The following SETBP1 variants were observed in gnomAD, a reference collection of about 807,000 sequenced individuals.
The protein encoded by SETBP1 is SET-binding protein.
A neutral mutation model predicts 101.0 loss-of-function variants in SETBP1; 9 were observed. That is an observed-to-expected ratio of 0.09 (90% CI 0.05 to 0.16). The LOEUF is 0.16. Among genes scored for constraint, SETBP1 ranks in the 10% least tolerant of loss-of-function variants. The pLI is 1.00. For missense variants in SETBP1, 1,858 were observed against 2,033.8 expected (o/e 0.91, Z 1.66); for synonymous variants, 818 against 788.5 (o/e 1.04, Z -0.63).
intron 2 of SETBP1, among the ~76,000 whole-genome samples, chr18:44,715,252 C>T (rs1004711016): frequency 2.6e-5 from 4 of 152,204 alleles, no homozygotes; most frequent in East Asian, 1.9e-4. Flanking sequence ...AGACCCACAG[C>T]GCCTTTCTTG....
chr18:44,905,268 A>G (rs1190429115), intron 3 of SETBP1, among the ~76,000 whole-genome samples: 3 of 152,188 alleles, frequency 2.0e-5, no homozygotes, highest in African/African-American at 7.2e-5. Context: ...GATGACTAGC[A>G]TTGGAGATGT....
At chr18:44,702,095 A>G (rs934020552) in intron 2 of SETBP1, among the ~76,000 whole-genome samples, 1 of 152,188 alleles carries the variant, frequency 6.6e-6, no homozygotes, top group Non-Finnish European at 1.5e-5. Context: ...TATGTATTAT[A>G]TACTGTATTC....
chr18:44,690,756 A>G (rs2068917452), intron 1 of SETBP1, among the ~76,000 whole-genome samples: 1 of 152,230 alleles, frequency 6.6e-6, no homozygotes, highest in Non-Finnish European at 1.5e-5. Context: ...AGGGTTAAAT[A>G]GTATAATAAA....
chr18:44,987,278 C>T (rs1034635335), intron 4 of SETBP1: 1 of 152,196 alleles, frequency 6.6e-6, no homozygotes, highest in African/African-American at 2.4e-5. Flanking sequence ...GAAGAGCCCC[C>T]AGAGTTTTCC....
At chr18:44,913,800 C>T (rs2070367498) in intron 3 of SETBP1, among the ~76,000 whole-genome samples, 1 of 152,222 alleles carries the variant, frequency 6.6e-6, no homozygotes, top group Non-Finnish European at 1.5e-5. Context: ...CCCACAGTGA[C>T]TATAGCCAAC....
Position 44,950,335 on chromosome 18 carries a change from G to A in SETBP1, c.995G>A (p.Gly332Asp). ...TKEPPEPPTV[G>D]SKKKSSKKDV... The stretch of plus-strand genomic sequence containing the variant: ...GAGCCCCCAGAACCACCTACGGTGG[G>A]CAGCAAGAAAAAGTCCAGTAAAAAA... The change falls in exon 4 of 6, where the codon GGC becomes GAC. Residue 332 changes from glycine to aspartate, a missense_variant. Transcript: ENST00000649279. The A allele has an allele frequency of 4.3e-6, 7 of 1,613,984 alleles. No homozygotes were observed. Among genetic ancestry groups the A allele is most frequent in the Non-Finnish European group, 5.9e-6 (7 of 1,180,030 alleles).
At chr18:44,716,574 T>G (rs369281362) in intron 2 of SETBP1, among the ~76,000 whole-genome samples, 80 of 152,244 alleles carry the variant, frequency 5.3e-4, no homozygotes, top group African/African-American at 1.9e-3. Context: ...GTTTGTTTGT[T>G]TGTTTTTGAG....
intron 2 of SETBP1, among the ~76,000 whole-genome samples, chr18:44,868,290 G>C (rs761562697): frequency 6.6e-6 from 1 of 151,926 alleles, no homozygotes; most frequent in Admixed American, 6.6e-5. Flanking sequence ...ATCCTAAATA[G>C]TGTATAAAAT....
At chr18:44,917,114 C>T (rs1471687734) in intron 3 of SETBP1, among the ~76,000 whole-genome samples, 1 of 152,218 alleles carries the variant, frequency 6.6e-6, no homozygotes, top group Non-Finnish European at 1.5e-5. Flanking sequence ...CAGAGAACCT[C>T]CTGAATGTCC....
intron 5 of SETBP1, among the ~76,000 whole-genome samples, chr18:45,048,494 T>A (rs959612836): frequency 1.3e-5 from 2 of 152,198 alleles, no homozygotes; most frequent in African/African-American, 4.8e-5. Context: ...ATGATATGTA[T>A]CCTCACTCCC....
At chr18:44,789,052 C>G (rs1171948471) in intron 2 of SETBP1, among the ~76,000 whole-genome samples, 2 of 152,114 alleles carry the variant, frequency 1.3e-5, no homozygotes, top group African/African-American at 2.4e-5. Context: ...ATTCACCCGC[C>G]TTGACCTCCC....
At chr18:45,037,902 C>G (rs1218486142) in intron 4 of SETBP1, among the ~76,000 whole-genome samples, 13 of 152,188 alleles carry the variant, frequency 8.5e-5, no homozygotes, top group African/African-American at 2.9e-4. Flanking sequence ...ATGCCTTAGC[C>G]TATGCCCTTA....
chr18:44,805,673 A>C (rs774981287), intron 2 of SETBP1, among the ~76,000 whole-genome samples: 1 of 151,728 alleles, frequency 6.6e-6, no homozygotes, highest in Non-Finnish European at 1.5e-5. Context: ...TTTTCTTCTG[A>C]TCTAGATCGT....
intron 5 of SETBP1, among the ~76,000 whole-genome samples, chr18:45,043,363 T>A (rs3894154): frequency 4.6e-4 from 69 of 149,576 alleles, no homozygotes; most frequent in Middle Eastern, 3.5e-3. Flanking sequence ...TCTCTCTCTC[T>A]CTCACACACT....
At chr18:45,041,259 TGATGGGGTAGATAGATAGCTTTA>T (rs1328950049) in intron 5 of SETBP1, among the ~76,000 whole-genome samples, 1 of 152,190 alleles carries the variant, frequency 6.6e-6, no homozygotes, top group Non-Finnish European at 1.5e-5. Flanking sequence ...ACTCATAATT[TGATGGGGTAGATAGATAGCTTTA>T]GCCAAAGCCA....
intron 2 of SETBP1, among the ~76,000 whole-genome samples, chr18:44,825,267 G>C (rs1568166097): frequency 6.6e-6 from 1 of 152,186 alleles, no homozygotes; most frequent in South Asian, 2.1e-4. Context: ...AAAGGACTGG[G>C]AGCTACCTGG....
intron 3 of SETBP1, among the ~76,000 whole-genome samples, chr18:44,918,195 G>A (rs1192863042): frequency 6.6e-6 from 1 of 152,194 alleles, no homozygotes; most frequent in East Asian, 1.9e-4. Context: ...GGGACAGCCT[G>A]TTCCTCTGCA....
intron 2 of SETBP1, among the ~76,000 whole-genome samples, chr18:44,750,460 A>G (rs2070357071): frequency 6.6e-6 from 1 of 152,182 alleles, no homozygotes; most frequent in Non-Finnish European, 1.5e-5. Context: ...TAATATCATC[A>G]CACTGGGGGT....
chr18:45,028,838 A>G (rs1182481338), intron 4 of SETBP1, among the ~76,000 whole-genome samples: 1 of 151,950 alleles, frequency 6.6e-6, no homozygotes, highest in Non-Finnish European at 1.5e-5. Flanking sequence ...CATGTCCTTC[A>G]CCCACTTTTT....
Sources: allele counts gnomAD v4.1 joint callset (sites outside exome capture counted in the v4.1 genomes callset), GRCh38; gene constraint gnomAD v4.1.1; transcripts MANE v1.5; gene names NCBI Gene and HGNC (gene_info 2026-07-23, HGNC 2026-07-21).